The following WIPF3 variants were observed in gnomAD, a reference collection of about 807,000 sequenced individuals.
The protein encoded by WIPF3 is WAS/WASL interacting protein family member 3.
A neutral mutation model predicts 38.9 loss-of-function variants in WIPF3; 33 were observed. The ratio of observed to expected loss-of-function variants is 0.85; its 90% CI spans 0.64 to 1.14. The LOEUF (loss-of-function observed/expected upper bound fraction) is 1.14. WIPF3 is among the 50% of genes most tolerant of loss of function. The probability of loss-of-function intolerance (pLI) is 0.00; values close to 1 mark genes in which losing one functional copy is unlikely to be tolerated. For synonymous variants in WIPF3, 324 were observed against 269.3 expected (o/e 1.20, Z -1.99); for missense variants, 711 against 652.5 (o/e 1.09, Z -0.98).
In WIPF3 at chr7:29,898,140, G is replaced by C. The variant is rs186436013; in HGVS notation, c.1352-6146G>C. On this transcript the variant is annotated intron_variant, in intron 7 of 8. Transcript: ENST00000242140. ...CCATGTTGCCAACTACAGTGTCAGA[G>C]GCTCTAGCCTCAGCCCGTCACTCCC... 9.5e-4 allele frequency among the ~76,000 whole-genome samples: 144 copies of C among 152,206 alleles called. No individual in the cohort carries two copies. The Middle Eastern group carries it at 0.01, about 11-fold the overall frequency.
intron 7 of WIPF3, among the ~76,000 whole-genome samples, chr7:29,900,203 CTGGG>C (rs1562790298): frequency 6.6e-6 from 1 of 152,160 alleles, no homozygotes; most frequent in Non-Finnish European, 1.5e-5. Context: ...TCCCAAAGTG[CTGGG>C]ATTACAGGTG....
chr7:29,827,402 G>T (rs1784632392), intron 1 of WIPF3, among the ~76,000 whole-genome samples: 1 of 152,138 alleles, frequency 6.6e-6, no homozygotes, highest in South Asian at 2.1e-4. Context: ...CACCTGGAGA[G>T]AAGTTTAAAA....
chr7:29,807,621 C>T (rs368474643), intron 1 of WIPF3, among the ~76,000 whole-genome samples: 91 of 152,350 alleles, frequency 6.0e-4, no homozygotes, highest in African/African-American at 2.1e-3. Flanking sequence ...TGTGCGCCTC[C>T]CTCTGGAAAG....
chr7:29,837,780 G>A (rs1784832986), intron 2 of WIPF3, among the ~76,000 whole-genome samples: 1 of 152,106 alleles, frequency 6.6e-6, no homozygotes, highest in Non-Finnish European at 1.5e-5. Flanking sequence ...TACAAAGATG[G>A]GCACAGGATA....
At chr7:29,845,022 T>A (rs1245429017) in intron 2 of WIPF3, among the ~76,000 whole-genome samples, 1 of 151,504 alleles carries the variant, frequency 6.6e-6, no homozygotes, top group Non-Finnish European at 1.5e-5. Flanking sequence ...AGATTGCTGT[T>A]TTCTTTCCTT....
At chr7:29,912,637 C>T (rs1296871103) in intron 8 of WIPF3, 2 of 206,912 alleles carry the variant, frequency 9.7e-6, no homozygotes, top group East Asian at 2.2e-4. Flanking sequence ...CTGACCTGAA[C>T]TTGGAAAAAT....
chr7:29,915,390 T>C lies in WIPF3; in HGVS notation c.*874T>C, dbSNP rs1431969169. On this transcript the variant is annotated 3_prime_UTR_variant, in exon 9 of 9. Transcript: ENST00000242140. Reference sequence around the variant, plus strand: ...TAAACTACCAGTTGTATCTCAGAGGTCTCCCCTTCTGCCCTTGCTTCGAGT... The same window carrying C: ...TAAACTACCAGTTGTATCTCAGAGGCCTCCCCTTCTGCCCTTGCTTCGAGT... 6.6e-6 allele frequency: 1 copy of C among 152,046 alleles called. No individual in the cohort carries two copies. Among genetic ancestry groups the C allele is most frequent in the Non-Finnish European group, 1.5e-5 (1 of 68,030 alleles). The allele number at this position is 152,046 out of a possible 1,614,324, so 9.4% of individuals were successfully genotyped here.
chr7:29,810,941 T>A (rs1784363250), intron 1 of WIPF3, among the ~76,000 whole-genome samples: 1 of 152,168 alleles, frequency 6.6e-6, no homozygotes, highest in Admixed American at 6.5e-5. Flanking sequence ...CAAGCTGGAG[T>A]GCAGTGGTTT....
At chr7:29,881,161 A>G (rs1369009083) in intron 4 of WIPF3, among the ~76,000 whole-genome samples, 1 of 152,160 alleles carries the variant, frequency 6.6e-6, no homozygotes, top group Admixed American at 6.5e-5. Flanking sequence ...ATTATCCCAT[A>G]TAAAGGTTTA....
At chr7:29,908,640 G>A (rs1459406641) in intron 8 of WIPF3, among the ~76,000 whole-genome samples, 1 of 152,182 alleles carries the variant, frequency 6.6e-6, no homozygotes. Context: ...GCCAGGCATG[G>A]TGGCTCATGC....
intron 7 of WIPF3, among the ~76,000 whole-genome samples, chr7:29,902,051 C>G (rs936899372): frequency 1.3e-5 from 2 of 151,660 alleles, no homozygotes; most frequent in Admixed American, 6.6e-5. Flanking sequence ...GCGTAGAGAC[C>G]GGGGATGCTA....
chr7:29,865,884 C>T (rs1376138522), intron 2 of WIPF3, among the ~76,000 whole-genome samples: 1 of 152,200 alleles, frequency 6.6e-6, no homozygotes, highest in African/African-American at 2.4e-5. Flanking sequence ...CTAGGCTGGG[C>T]ATGGTGGCTC....
chr7:29,907,580 G>A (rs971752834), intron 8 of WIPF3, among the ~76,000 whole-genome samples: 3 of 151,998 alleles, frequency 2.0e-5, no homozygotes, highest in Non-Finnish European at 4.4e-5. Flanking sequence ...GATAAACCAT[G>A]AGGGCAGAGC....
In WIPF3 at chr7:29,884,292, G is replaced by A; in HGVS notation, c.798G>A (p.Leu266=). Residue 266 remains leucine (L), a synonymous_variant, in exon 5 of 9, where the codon CTG becomes CTA. Coordinates refer to ENST00000242140, the MANE Select transcript of WIPF3 (RefSeq NM_001080529.3). Reference sequence around the variant, plus strand: ...CGCCCATCCCGCCCCCGCTCCCTCTGCTCCCACCTTGTGGGTATCCGGGGC... The same window carrying A: ...CGCCCATCCCGCCCCCGCTCCCTCTACTCCCACCTTGTGGGTATCCGGGGC... ...HLPPIPPPLP[L]LPPCGYPGLK... is the part of the protein sequence containing the mutation. 2 of 1,059,998 alleles carry A rather than the reference G, an allele frequency of 1.9e-6. No homozygotes were observed. Among genetic ancestry groups the A allele is most frequent in the Non-Finnish European group, 2.4e-6 (2 of 850,044 alleles). The allele number at this position is 1,059,998 out of a possible 1,614,324, so 65.7% of individuals were successfully genotyped here. A position where few individuals can be genotyped will look rare whatever the true frequency, so the allele number is the denominator to read the frequency against.
chr7:29,855,241 G>A (rs912567401), intron 2 of WIPF3, among the ~76,000 whole-genome samples: 1 of 152,182 alleles, frequency 6.6e-6, no homozygotes, highest in Admixed American at 6.5e-5. Context: ...ACATGGATGT[G>A]GATGCACATC....
At chr7:29,843,649 A>T (rs1334089732) in intron 2 of WIPF3, among the ~76,000 whole-genome samples, 1 of 152,210 alleles carries the variant, frequency 6.6e-6, no homozygotes, top group Non-Finnish European at 1.5e-5. Context: ...GAAAACTGCC[A>T]GCGAACCTTT....
At chr7:29,807,370 G>A (rs1784299173) in intron 1 of WIPF3, among the ~76,000 whole-genome samples, 1 of 152,198 alleles carries the variant, frequency 6.6e-6, no homozygotes, top group African/African-American at 2.4e-5. Context: ...TGGGTTTAGG[G>A]TCCTTTGGAG....
chr7:29,872,787 A>G (rs1785521085), intron 2 of WIPF3, among the ~76,000 whole-genome samples: 1 of 119,150 alleles, frequency 8.4e-6, no homozygotes, highest in Non-Finnish European at 1.6e-5. Flanking sequence ...CGACAGAGTG[A>G]GACTCCATCT....
chr7:29,864,571 A>C (rs1785353965), intron 2 of WIPF3, among the ~76,000 whole-genome samples: 1 of 152,258 alleles, frequency 6.6e-6, no homozygotes, highest in Admixed American at 6.5e-5. Flanking sequence ...GTCTGTATGG[A>C]AACAAATAGG....
Sources: gnomAD v4.1 joint callset for allele counts (sites outside exome capture counted in the v4.1 genomes callset) on GRCh38, gnomAD v4.1.1 for gene constraint, MANE v1.5 for transcripts, NCBI Gene and HGNC (gene_info 2026-07-23, HGNC 2026-07-21) for gene names.